ZNF668: variants seen among roughly 807,000 people sequenced by gnomAD.
The protein encoded by ZNF668 is zinc finger protein 668.
A neutral mutation model predicts 40.3 loss-of-function variants in ZNF668; 10 were observed. The ratio of observed to expected loss-of-function variants is 0.25; its 90% CI spans 0.15 to 0.42. The LOEUF (loss-of-function observed/expected upper bound fraction) is 0.42, where lower values mean the gene tolerates loss of function less well. Among genes scored for constraint, ZNF668 ranks in the 10% least tolerant of loss-of-function variants. The pLI, the probability that ZNF668 is intolerant of heterozygous loss-of-function variation, is 1.00. For synonymous variants in ZNF668, 428 were observed against 384.6 expected, an observed-to-expected ratio of 1.11 and a Z score of -1.32; for missense variants, 749 against 904.6, an observed-to-expected ratio of 0.83 and a Z score of 2.21.
chr16:31,066,323 C>T (rs1484619210), intron 1 of ZNF668: 3 of 985,322 alleles, frequency 3.0e-6, no homozygotes, highest in East Asian at 1.1e-4. Context: ...CCTCAAGCAT[C>T]TCCCCTTTGG....
At position 31,062,218 on chromosome 16, in the gene ZNF668, G is replaced by A. The variant is rs1351474272; in HGVS notation, c.710C>T (p.Ser237Phe). ...SECGKSFSRS[S>F]SLTCHQRIHA... ...GATGCGCTGGTGGCACGTGAGCGAG[G>A]ATGAGCGGGAGAAGCTCTTCCCGCA... Residue 237 changes from serine to phenylalanine, a missense_variant, in exon 3 of 3, where the codon TCC becomes TTC. Ser to Phe is a radical substitution (Grantham distance 155). Around this residue, in one of 4 missense-constraint regions of ZNF668, gnomAD observed 129 missense variants for 231.2 expected, o/e 0.56. Transcript: ENST00000300849. The A allele has an allele frequency of 6.2e-7, 1 of 1,613,294 alleles. No individual in the cohort carries two copies. Among genetic ancestry groups the A allele is most frequent in the Non-Finnish European group, 8.5e-7 (1 of 1,179,632 alleles).
chr16:31,073,491 T>G (rs1466223512), intron 1 of ZNF668, 168 bp downstream of exon 1: 1 of 152,108 alleles, frequency 6.6e-6, no homozygotes, highest in Non-Finnish European at 1.5e-5. Flanking sequence ...TAGGACCTGC[T>G]GGGCCCGCAA....
chr16:31,067,736 C>T (rs1434638868), intron 1 of ZNF668, among the ~76,000 whole-genome samples: 1 of 152,132 alleles, frequency 6.6e-6, no homozygotes, highest in Admixed American at 6.6e-5. Flanking sequence ...AATCGAGGTT[C>T]CAAGAGTTAA....
At chr16:31,070,380 G>A (rs1385274077) in intron 1 of ZNF668, among the ~76,000 whole-genome samples, 1 of 149,756 alleles carries the variant, frequency 6.7e-6, no homozygotes. Flanking sequence ...GCTCATTTTT[G>A]TATTTTTAGT....
At position 31,061,492 on chromosome 16, in the gene ZNF668, AT is replaced by A. The variant is rs1301731898; in HGVS notation, c.1435del (p.Met479Ter). On this transcript the variant is annotated frameshift_variant, in exon 3 of 3. Coordinates refer to ENST00000300849, the MANE Select transcript of ZNF668 (RefSeq NM_024706.5). LOFTEE classifies it high-confidence loss of function. The surrounding 1 kb of genome is among the most constrained non-coding windows in gnomAD (Gnocchi z 7.7). ...TTGGCATTCCACATGCTCCACCGTCATGCCCACCACCTGCCACTGTGTGGCC... is the reference window on the plus strand; with the variant it reads ...TTGGCATTCCACATGCTCCACCGTCAGCCCACCACCTGCCACTGTGTGGCC... ...VMATQWQVVG[M>X]TVEHVECQDA... 1.2e-6 allele frequency: 2 copies of A among 1,612,998 alleles called. No individual in the cohort carries two copies. The highest frequency in any genetic ancestry group is 1.7e-6 in the Non-Finnish European group (2 of 1,179,950).
chr16:31,061,551 C>T lies in ZNF668; in HGVS notation c.1377G>A (p.Leu459=). Residue 459 remains leucine, a synonymous_variant, in exon 3 of 3, where the codon CTG becomes CTA. Transcript: ENST00000300849. The surrounding 1 kb of genome is among the most constrained non-coding windows in gnomAD (Gnocchi z 7.7). The part of the protein sequence containing the change: ...GAGLGDPPAG[L]LGLPPESGGV... ...CACCTGACTCCGGGGGCAGCCCTAG[C>T]AGCCCTGCTGGAGGGTCCCCCAGCC... 2 of 1,610,060 alleles carry T rather than the reference C, an allele frequency of 1.2e-6. No homozygotes were observed. The highest frequency in any genetic ancestry group is 2.2e-5 in the East Asian group (1 of 44,868).
In ZNF668 at chr16:31,064,687, TAAGA is replaced by T. The variant is rs2056968795; in HGVS notation, c.-22-210_-22-207del. On this transcript the variant is annotated intron_variant, in intron 1 of 2. Coordinates refer to ENST00000300849, the MANE Select transcript of ZNF668 (RefSeq NM_024706.5). ...TTGGACCAAGTGTCCGCAGAGCCAC[TAAGA>T]AAGGAGGCTGAGGGTCACAAAAGAT... The T allele has an allele frequency of 1.2e-5, 19 of 1,535,902 alleles. No homozygotes were observed. In the South Asian group the frequency reaches 2.3e-4, roughly 18 times the overall value.
rs375273292 is a variant in ZNF668, at chr16:31,064,254, G to A, written c.206C>T (p.Ala69Val). Residue 69 changes from alanine to valine, a missense_variant, in exon 2 of 3, where the codon GCC (alanine) becomes GTC (valine). By Grantham distance (64) the Ala-to-Val change is moderately conservative (BLOSUM62 0). Transcript: ENST00000300849. Reference protein sequence around the residue: ...KPETEAKAEEASGEKVSGSAA... With the variant: ...KPETEAKAEEVSGEKVSGSAA... ...GGAGCCTGACACCTTCTCCCCACTG[G>A]CTTCCTCTGCCTTAGCTTCTGTCTC... 1.2e-6 allele frequency: 2 copies of A among 1,613,600 alleles called. No homozygotes were observed. The highest frequency in any genetic ancestry group is 8.5e-7 in the Non-Finnish European group (1 of 1,180,020).
chr16:31,073,630 C>T (rs559929297), intron 1 of ZNF668, 29 bp downstream of exon 1: 12 of 152,300 alleles, frequency 7.9e-5, no homozygotes, highest in Non-Finnish European at 1.2e-4. Flanking sequence ...TGCCCGGGGC[C>T]CTCGCGGCTT....
chr16:31,065,005 T>TG, intron 1 of ZNF668: 1 of 1,169,192 alleles, frequency 8.6e-7, no homozygotes, highest in Non-Finnish European at 1.1e-6. Flanking sequence ...CTCCTCTGGA[T>TG]GGTTAGTCCT....
At position 31,064,360 on chromosome 16, in the gene ZNF668, C is replaced by T; in HGVS notation, c.100G>A (p.Ala34Thr). 1.9e-6 allele frequency: 3 copies of T among 1,613,938 alleles called. 1 individual carries two copies. In the South Asian group the frequency reaches 3.3e-5, roughly 18 times the overall value. Reference protein sequence around the residue: ...CLSCTKTFPNAPRAARHAATH... With the variant: ...CLSCTKTFPNTPRAARHAATH... ...GCAGCGTGGCGCGCTGCCCTGGGCG[C>T]GTTTGGAAATGTCTTGGTACAGGAC... Residue 34 changes from alanine (A) to threonine (T), a missense_variant, in exon 2 of 3, where the codon GCG becomes ACG. This residue lies in a region of ZNF668 where 159 missense variants were observed against 139.8 expected (regional missense o/e 1.14). Coordinates refer to ENST00000300849, the MANE Select transcript of ZNF668 (RefSeq NM_024706.5).
At chr16:31,065,855 A>AAC (rs1474498305) in intron 1 of ZNF668, among the ~76,000 whole-genome samples, 1 of 150,362 alleles carries the variant, frequency 6.7e-6, no homozygotes, top group Non-Finnish European at 1.5e-5. Context: ...CTCCGTCTCA[A>AAC]AAAAAAAAAA....
In ZNF668 at chr16:31,061,454, G is replaced by A. The variant is rs761786833; in HGVS notation, c.1474C>T (p.Arg492Trp). The stretch of plus-strand genomic sequence containing the variant: ...CCTTCCAAGGGACCAGGAGCCTCCC[G>A]GACACCAGCATCTTGGCATTCCACA... ...EHVECQDAGV[R>W]EAPGPLEGAG... Residue 492 changes from arginine (R) to tryptophan (W), a missense_variant, in exon 3 of 3, where the codon CGG (arginine) becomes TGG (tryptophan). Arg to Trp is a moderately radical substitution (Grantham distance 101). Coordinates refer to ENST00000300849, the MANE Select transcript of ZNF668 (RefSeq NM_024706.5). The surrounding 1 kb of genome is among the most constrained non-coding windows in gnomAD (Gnocchi z 7.7). 2 of 1,613,744 alleles carry A rather than the reference G, an allele frequency of 1.2e-6. No homozygotes were observed. The highest frequency in any genetic ancestry group is 2.2e-5 in the East Asian group (1 of 44,872).
intron 1 of ZNF668, among the ~76,000 whole-genome samples, chr16:31,067,656 T>TCTTATA (rs1364574165): frequency 6.6e-6 from 1 of 152,192 alleles, no homozygotes; most frequent in East Asian, 1.9e-4. Flanking sequence ...CTGGGTGTGC[T>TCTTATA]GGTTTATTTA....
At chr16:31,069,762 G>A (rs548669894) in intron 1 of ZNF668, among the ~76,000 whole-genome samples, 24 of 143,700 alleles carry the variant, frequency 1.7e-4, no homozygotes, top group East Asian at 1.2e-3. Flanking sequence ...CCGCCACCAC[G>A]CCCGGCTATT....
At chr16:31,073,631 C>T (rs2057036694) in intron 1 of ZNF668, 28 bp downstream of exon 1, 1 of 152,226 alleles carries the variant, frequency 6.6e-6, no homozygotes, top group Non-Finnish European at 1.5e-5. Flanking sequence ...GCCCGGGGCC[C>T]TCGCGGCTTC....
rs57798819 is a variant in ZNF668, at chr16:31,069,770, A to ATT, written c.-23+3887_-23+3888dup. ...CAGGTGCCCGCCACCACGCCCGGCT[A>ATT]TTTTTTTTTTTTTTTTTTTTTTGAG... On this transcript the variant is annotated intron_variant, in intron 1 of 2. Transcript: ENST00000300849. Among the ~76,000 whole-genome samples the ATT allele has an allele frequency of 7.2e-4, 61 of 84,532 alleles. 2 individuals are homozygous for ATT. The highest frequency in any genetic ancestry group is 8.8e-4 in the Non-Finnish European group (39 of 44,362). 55.5% of individuals were successfully genotyped at this position (84,532 alleles called of 152,430 possible).
chr16:31,066,504 C>A (rs2056982544), intron 1 of ZNF668: 1 of 382,004 alleles, frequency 2.6e-6, no homozygotes, highest in Non-Finnish European at 3.6e-6. Flanking sequence ...CTGCAGGGAA[C>A]TATGATCGTA....
intron 1 of ZNF668, among the ~76,000 whole-genome samples, chr16:31,065,786 G>A (rs868493043): frequency 2.6e-5 from 4 of 151,680 alleles, no homozygotes; most frequent in African/African-American, 4.9e-5. Flanking sequence ...CCTGGGAGGC[G>A]GAGCTTGCAG....
Sources: allele counts gnomAD v4.1 joint callset (sites outside exome capture counted in the v4.1 genomes callset), GRCh38; gene constraint gnomAD v4.1.1; regional missense constraint gnomAD v4.1.1; non-coding constraint Gnocchi (gnomAD v3.1); transcripts MANE v1.5; gene names NCBI Gene and HGNC (gene_info 2026-07-23, HGNC 2026-07-21).